CYP4Z1: variants seen among roughly 807,000 people sequenced by gnomAD.
The protein encoded by CYP4Z1 is cytochrome P450 4Z1.
Under a neutral mutation model 54.2 loss-of-function variants are expected in CYP4Z1, and 41 were observed. That is an observed-to-expected ratio of 0.76 (90% CI 0.59 to 0.98). CYP4Z1 has a LOEUF of 0.98. CYP4Z1 is among the 50% of genes least tolerant of loss of function. The pLI, the probability that CYP4Z1 is intolerant of heterozygous loss-of-function variation, is 0.00. For missense variants in CYP4Z1, 513 were observed against 599.0 expected (o/e 0.86, Z 1.50); for synonymous variants, 163 against 206.2 (o/e 0.79, Z 1.79).
intron 8 of CYP4Z1, among the ~76,000 whole-genome samples, chr1:47,101,939 T>C (rs1644724956): frequency 6.6e-6 from 1 of 152,174 alleles, no homozygotes; most frequent in East Asian, 1.9e-4. Flanking sequence ...ATCTGGGTCC[T>C]CCAATGTTGG....
At chr1:47,079,928 T>C (rs1644551504) in intron 2 of CYP4Z1, among the ~76,000 whole-genome samples, 1 of 150,726 alleles carries the variant, frequency 6.6e-6, no homozygotes, top group South Asian at 2.1e-4. Context: ...CCATAAGATA[T>C]CTTCTTACCC....
intron 7 of CYP4Z1, among the ~76,000 whole-genome samples, chr1:47,096,412 T>A (rs1195726032): frequency 6.6e-6 from 1 of 152,118 alleles, no homozygotes; most frequent in Non-Finnish European, 1.5e-5. Flanking sequence ...CTAAAAATAA[T>A]AGTAAAAAAT....
At chr1:47,115,449 T>TA (rs572446219) in intron 9 of CYP4Z1, 80 bp from the exon 10 acceptor site, 232 of 1,308,184 alleles carry the variant, frequency 1.8e-4, no homozygotes, top group African/African-American at 3.1e-4. Flanking sequence ...AGTATAATTT[T>TA]AAAAAAAAAG....
chr1:47,116,798 C>T, intron 11 of CYP4Z1, 66 bp downstream of exon 11: 1 of 1,191,916 alleles, frequency 8.4e-7, no homozygotes, highest in Non-Finnish European at 1.2e-6. Flanking sequence ...AGTGCTTCTT[C>T]CCTTCAGGCC....
At chr1:47,074,591 C>T (rs1226719826) in intron 2 of CYP4Z1, among the ~76,000 whole-genome samples, 1 of 151,988 alleles carries the variant, frequency 6.6e-6, no homozygotes, top group Non-Finnish European at 1.5e-5. Flanking sequence ...TTTCCCAGCA[C>T]CATTTCTTGA....
At chr1:47,055,871 C>G in the CYP4Z1 span, among the ~76,000 whole-genome samples, 1 of 151,450 alleles carries the variant, frequency 6.6e-6, no homozygotes, top group Non-Finnish European at 1.5e-5. Context: ...AGAAAGCCAG[C>G]TCCTGGATTC....
the CYP4Z1 span, among the ~76,000 whole-genome samples, chr1:47,057,366 ATATATATATATG>A: frequency 8.7e-6 from 1 of 114,968 alleles, no homozygotes; most frequent in East Asian, 2.4e-4. Flanking sequence ...ATATATATAT[ATATATATATATG>A]TATATTCTGC....
At chr1:47,086,727 G>A (rs1246411984) in intron 6 of CYP4Z1, among the ~76,000 whole-genome samples, 1 of 152,150 alleles carries the variant, frequency 6.6e-6, no homozygotes, top group Non-Finnish European at 1.5e-5. Flanking sequence ...TTTGGTTTCT[G>A]TTGCCATTGC....
chr1:47,091,823 G>A (rs2148533527), intron 6 of CYP4Z1, among the ~76,000 whole-genome samples: 1 of 149,826 alleles, frequency 6.7e-6, no homozygotes, highest in Non-Finnish European at 1.5e-5. Context: ...AGTTCTAACT[G>A]CAACTAAGGT....
At chr1:47,058,051 C>CA in the CYP4Z1 span, among the ~76,000 whole-genome samples, 1 of 151,720 alleles carries the variant, frequency 6.6e-6, no homozygotes, top group Non-Finnish European at 1.5e-5. Flanking sequence ...AACTATTTAT[C>CA]AAAAAAAACT....
chr1:47,108,317 C>T (rs1361784439), intron 9 of CYP4Z1, among the ~76,000 whole-genome samples: 1 of 152,198 alleles, frequency 6.6e-6, no homozygotes, highest in Non-Finnish European at 1.5e-5. Context: ...CCGTCAACTT[C>T]CTTGAATATT....
At chr1:47,079,684 C>T (rs1644549801) in intron 2 of CYP4Z1, among the ~76,000 whole-genome samples, 1 of 152,216 alleles carries the variant, frequency 6.6e-6, no homozygotes, top group African/African-American at 2.4e-5. Flanking sequence ...AGAAGGGGTC[C>T]CAACTTTTGG....
intron 2 of CYP4Z1, among the ~76,000 whole-genome samples, chr1:47,072,992 T>C (rs1644493500): frequency 6.6e-6 from 1 of 151,500 alleles, no homozygotes. Context: ...TCAGGGACAC[T>C]AAGTATATTC....
At chr1:47,113,584 T>C (rs1172038621) in intron 9 of CYP4Z1, among the ~76,000 whole-genome samples, 8 of 152,218 alleles carry the variant, frequency 5.3e-5, no homozygotes, top group Non-Finnish European at 1.2e-4. Flanking sequence ...ATGAAATCTA[T>C]GAATAGATGT....
At chr1:47,068,805 G>A (rs370206024) in intron 2 of CYP4Z1, 42 bp downstream of exon 2, 44 of 1,603,080 alleles carry the variant, frequency 2.7e-5, no homozygotes, top group Admixed American at 3.4e-5. Flanking sequence ...CAGCAACAAA[G>A]AGGGTCTCAG....
chr1:47,084,055 A>G (rs911931060), intron 4 of CYP4Z1, among the ~76,000 whole-genome samples: 1 of 152,086 alleles, frequency 6.6e-6, no homozygotes, highest in African/African-American at 2.4e-5. Context: ...ACAAAGTGAA[A>G]TTTTCTGGGA....
chr1:47,086,464 A>C (rs972720612), intron 6 of CYP4Z1, among the ~76,000 whole-genome samples: 1 of 152,138 alleles, frequency 6.6e-6, no homozygotes, highest in Admixed American at 6.5e-5. Flanking sequence ...GCATTTTTTC[A>C]TGTGTCTGTT....
chr1:47,063,296 G>T (rs530046924), upstream of CYP4Z1, among the ~76,000 whole-genome samples: 1 of 151,926 alleles, frequency 6.6e-6, no homozygotes, highest in Admixed American at 6.5e-5. Context: ...GAAGGAACCA[G>T]AAAAAAACAA....
chr1:47,068,612 C>CATAA lies in CYP4Z1; in HGVS notation c.178-10_178-9insATAA, dbSNP rs746709562. On this transcript the variant is annotated splice_polypyrimidine_tract_variant and intron_variant, in intron 1 of 11. Transcript: ENST00000334194. The stretch of plus-strand genomic sequence containing the variant: ...CCTTTACTAACCAGTCATGACTTAT[C>CATAA]TTATGACAGTTTTACCCAGTAAAGG... 10 of 1,613,492 alleles carry CATAA rather than the reference C, an allele frequency of 6.2e-6. No homozygotes were observed. Among genetic ancestry groups the CATAA allele is most frequent in the Non-Finnish European group, 7.6e-6 (9 of 1,179,734 alleles).
Sources: allele counts gnomAD v4.1 joint callset (sites outside exome capture counted in the v4.1 genomes callset), GRCh38; gene constraint gnomAD v4.1.1; transcripts MANE v1.5; gene names NCBI Gene and HGNC (gene_info 2026-07-23, HGNC 2026-07-21).